The following HECW1 variants were observed in gnomAD, a reference collection of about 807,000 sequenced individuals.
HECW1 encodes HECT, C2 and WW domain containing E3 ubiquitin protein ligase 1.
Under a neutral mutation model 182.3 loss-of-function variants are expected in HECW1, and 61 were observed. The observed-to-expected ratio is 0.33, with a 90% CI of 0.27 to 0.41. The LOEUF is 0.41. Among genes scored for constraint, HECW1 ranks in the 10% least tolerant of loss-of-function variants. The probability of loss-of-function intolerance (pLI) is 1.00; values close to 1 mark genes in which losing one functional copy is unlikely to be tolerated. For synonymous variants in HECW1, 859 were observed against 832.6 expected, an observed-to-expected ratio of 1.03 and a Z score of -0.55; for missense variants, 1,739 against 2,108.9, an observed-to-expected ratio of 0.82 and a Z score of 3.44.
chr7:43,160,247 TA>T (rs1445523259), intron 2 of HECW1, among the ~76,000 whole-genome samples: 1 of 152,242 alleles, frequency 6.6e-6, no homozygotes, highest in Non-Finnish European at 1.5e-5. Context: ...CTTTTATACA[TA>T]TTTTCAATAT....
chr7:43,486,060 C>T (rs2078621681), intron 17 of HECW1, among the ~76,000 whole-genome samples: 1 of 152,000 alleles, frequency 6.6e-6, no homozygotes, highest in Non-Finnish European at 1.5e-5. Context: ...TCCCTGTGTC[C>T]ATGTGTTCTC....
intron 4 of HECW1, among the ~76,000 whole-genome samples, chr7:43,317,958 A>G (rs1295392990): frequency 6.6e-6 from 1 of 151,890 alleles, no homozygotes; most frequent in Non-Finnish European, 1.5e-5. Context: ...TGTACATTCT[A>G]TATTCTAATG....
Position 43,352,086 on chromosome 7 carries a change from C to T in HECW1, c.461-8800C>T, listed in dbSNP as rs972617304. ...TCAGATGCTTCTTTTAGAATCAACA[C>T]ACTTACCCCTAGAGAAACAACCCCA... is the stretch of plus-strand genomic sequence containing the variant. On this transcript the variant is annotated intron_variant, in intron 5 of 29. Transcript: ENST00000395891. 2.0e-5 allele frequency among the ~76,000 whole-genome samples: 3 copies of T among 152,256 alleles called. No homozygotes were observed. In the Middle Eastern group the frequency reaches 0.01, roughly 518 times the overall value.
intron 7 of HECW1, among the ~76,000 whole-genome samples, chr7:43,399,037 A>G (rs373096757): frequency 1.4e-4 from 21 of 152,356 alleles, no homozygotes; most frequent in African/African-American, 5.1e-4. Flanking sequence ...CAATACTGAC[A>G]TTATCTCCAG....
chr7:43,352,091 AC>A (rs1814551274), intron 5 of HECW1, among the ~76,000 whole-genome samples: 1 of 151,848 alleles, frequency 6.6e-6, no homozygotes, highest in Non-Finnish European at 1.5e-5. Flanking sequence ...CAACACACTT[AC>A]CCCTAGAGAA....
intron 8 of HECW1, among the ~76,000 whole-genome samples, chr7:43,424,698 T>C (rs2076299388): frequency 6.6e-6 from 1 of 152,158 alleles, no homozygotes; most frequent in South Asian, 2.1e-4. Context: ...TCAGGAAATA[T>C]CAATAGAGTT....
chr7:43,407,663 C>G lies in HECW1; in HGVS notation c.733C>G (p.Pro245Ala), dbSNP rs775295849. The G allele has an allele frequency of 8.7e-6, 14 of 1,613,994 alleles. No homozygotes were observed. In the East Asian group the frequency reaches 2.2e-4, roughly 26 times the overall value. ...GAAACACAGCATCTTCCCCGCCCTC[C>G]CTCACCATGGACAGGAGAGGAGATC... ...PGKHSIFPALPHHGQERRSKI... is the reference protein window; with the variant it reads ...PGKHSIFPALAHHGQERRSKI... The change falls in exon 8 of 30, where the codon CCT becomes GCT. Residue 245 changes from proline (P) to alanine (A), a missense_variant. This residue lies in a region of HECW1 where 279 missense variants were observed against 353.1 expected (regional missense o/e 0.79). Coordinates refer to ENST00000395891, the MANE Select transcript of HECW1 (RefSeq NM_015052.5).
chr7:43,384,921 A>G (rs1455687405), intron 6 of HECW1, among the ~76,000 whole-genome samples: 1 of 152,146 alleles, frequency 6.6e-6, no homozygotes, highest in Non-Finnish European at 1.5e-5. Context: ...CGCTATTTTA[A>G]AAAGTAGAAT....
At chr7:43,448,941 C>T (rs1175657163) in intron 11 of HECW1, among the ~76,000 whole-genome samples, 3 of 152,178 alleles carry the variant, frequency 2.0e-5, no homozygotes, top group South Asian at 2.1e-4. Flanking sequence ...AATAGAACTG[C>T]TTGCTTCTTC....
rs529527354 is a variant in HECW1 at position 43,134,297 on chromosome 7, A to G, written c.-32+19906A>G. Among the ~76,000 whole-genome samples, 4 of 149,346 alleles carry G rather than the reference A, an allele frequency of 2.7e-5. No homozygotes were observed. The East Asian group carries it at 8.2e-4, about 31-fold the overall frequency. On this transcript the variant is annotated intron_variant, in intron 2 of 29. Transcript: ENST00000395891. ...TAATCCCAGCTACTTGGGAGGCTGA[A>G]GCAGAAGAACCGCTTGAACCCGGGA...
chr7:43,191,612 C>T (rs1422857612), intron 2 of HECW1, among the ~76,000 whole-genome samples: 1 of 152,170 alleles, frequency 6.6e-6, no homozygotes, highest in Non-Finnish European at 1.5e-5. Flanking sequence ...CAGCATTTAG[C>T]ATATATGATC....
intron 8 of HECW1, among the ~76,000 whole-genome samples, chr7:43,421,099 A>G (rs1333207019): frequency 1.3e-5 from 2 of 152,222 alleles, no homozygotes; most frequent in Non-Finnish European, 2.9e-5. Flanking sequence ...GAACAGACAA[A>G]TAGCTAATTA....
chr7:43,493,583 G>T (rs1398152808), intron 19 of HECW1, among the ~76,000 whole-genome samples: 1 of 152,162 alleles, frequency 6.6e-6, no homozygotes, highest in Non-Finnish European at 1.5e-5. Flanking sequence ...CAAACAAAAA[G>T]TTTCTTGTGT....
rs191438991 is a variant in HECW1 at position 43,402,353 on chromosome 7, C to T, written c.632-5209C>T. ...CCAAAAGCACTCACTCCGGTTCCTGCACCTGCCCGTCTGCATGCTCCCTCT... is the reference window on the plus strand; with the variant it reads ...CCAAAAGCACTCACTCCGGTTCCTGTACCTGCCCGTCTGCATGCTCCCTCT... On this transcript the variant is annotated intron_variant, in intron 7 of 29. Coordinates refer to ENST00000395891, the MANE Select transcript of HECW1 (RefSeq NM_015052.5). 3.1e-3 allele frequency among the ~76,000 whole-genome samples: 478 copies of T among 152,326 alleles called. 3 individuals are homozygous for T. The highest frequency in any genetic ancestry group is 4.8e-3 in the Non-Finnish European group (327 of 68,030).
At chr7:43,356,520 T>C (rs1195124340) in intron 5 of HECW1, among the ~76,000 whole-genome samples, 1 of 152,128 alleles carries the variant, frequency 6.6e-6, no homozygotes, top group Non-Finnish European at 1.5e-5. Context: ...GAAATGTAAA[T>C]AAACTACACA....
At chr7:43,347,239 T>A (rs1209930610) in intron 5 of HECW1, among the ~76,000 whole-genome samples, 4 of 145,968 alleles carry the variant, frequency 2.7e-5, no homozygotes, top group Non-Finnish European at 6.0e-5. Flanking sequence ...TAAGGTTTTT[T>A]AAATTTTTTA....
At chr7:43,350,514 T>A (rs1329708853) in intron 5 of HECW1, among the ~76,000 whole-genome samples, 1 of 152,152 alleles carries the variant, frequency 6.6e-6, no homozygotes, top group Non-Finnish European at 1.5e-5. Context: ...TTAGGTTTGG[T>A]CATTTAACAT....
intron 6 of HECW1, among the ~76,000 whole-genome samples, chr7:43,370,838 G>A (rs948367154): frequency 3.3e-5 from 5 of 151,952 alleles, no homozygotes; most frequent in South Asian, 2.1e-4. Flanking sequence ...AAGATTTAGC[G>A]GGGAAGGATG....
At chr7:43,541,801 C>A in intron 25 of HECW1, 68 bp from the exon 26 acceptor site, 1 of 1,327,590 alleles carries the variant, frequency 7.5e-7, no homozygotes, top group Non-Finnish European at 9.7e-7. Flanking sequence ...ATGATATAAC[C>A]ACATTTTGAA....
Sources: allele counts gnomAD v4.1 joint callset (sites outside exome capture counted in the v4.1 genomes callset), GRCh38; gene constraint gnomAD v4.1.1; regional missense constraint gnomAD v4.1.1; transcripts MANE v1.5; gene names NCBI Gene and HGNC (gene_info 2026-07-23, HGNC 2026-07-21).